RAD54L2: variants seen among roughly 807,000 people sequenced by gnomAD.
The protein encoded by RAD54L2 is helicase ARIP4.
Under a neutral mutation model 138.4 loss-of-function variants are expected in RAD54L2, and 27 were observed. That is an observed-to-expected ratio of 0.20 (90% CI 0.14 to 0.27). The LOEUF (loss-of-function observed/expected upper bound fraction) is 0.27, where lower values mean the gene tolerates loss of function less well. RAD54L2 is among the 10% of genes least tolerant of loss of function. The pLI is 1.00. For synonymous variants in RAD54L2, 644 were observed against 723.2 expected (o/e 0.89, Z 1.76); for missense variants, 1,396 against 1,890.2 (o/e 0.74, Z 4.85).
intron 2 of RAD54L2, among the ~76,000 whole-genome samples, chr3:51,579,617 G>A (rs927618114): frequency 6.6e-6 from 1 of 152,092 alleles, no homozygotes; most frequent in African/African-American, 2.4e-5. Context: ...AACTCACTAC[G>A]TATTTCCATT....
At chr3:51,540,145 A>C (rs1681064940) in intron 1 of RAD54L2, among the ~76,000 whole-genome samples, 1 of 152,238 alleles carries the variant, frequency 6.6e-6, no homozygotes, top group Non-Finnish European at 1.5e-5. Flanking sequence ...AATTCTTATA[A>C]ATCTAAATTT....
Position 51,590,569 on chromosome 3 carries a change from C to T in RAD54L2, c.139+10C>T, listed in dbSNP as rs1179620084. 3.9e-6 allele frequency: 6 copies of T among 1,552,310 alleles called. No individual in the cohort carries two copies. The Admixed American group carries it at 9.8e-5, about 25-fold the overall frequency. On this transcript the variant is annotated intron_variant, in intron 3 of 22. Transcript: ENST00000684192. ...GAAGACCTGCTGGATGGTAAGTGGG[C>T]TCTATTGAGTGACAGAAGTTGCCTT...
intron 3 of RAD54L2, among the ~76,000 whole-genome samples, chr3:51,603,466 A>G (rs953527950): frequency 6.6e-6 from 1 of 152,014 alleles, no homozygotes; most frequent in Non-Finnish European, 1.5e-5. Context: ...GATTAGCTGA[A>G]CATGGTGGTA....
intron 9 of RAD54L2, among the ~76,000 whole-genome samples, chr3:51,634,708 C>T (rs531756162): frequency 7.3e-4 from 111 of 152,250 alleles, no homozygotes; most frequent in Admixed American, 7.3e-3. Flanking sequence ...TTTCACTTTT[C>T]TTAAAAACCT....
intron 15 of RAD54L2, 33 bp from the exon 16 acceptor site, chr3:51,643,842 T>C (rs1298680165): frequency 6.7e-7 from 1 of 1,500,942 alleles, no homozygotes; most frequent in Non-Finnish European, 9.2e-7. Context: ...TGCTCTAATA[T>C]ATCCACTGCT....
intron 3 of RAD54L2, among the ~76,000 whole-genome samples, chr3:51,611,817 A>G (rs920819730): frequency 6.6e-6 from 1 of 151,916 alleles, no homozygotes; most frequent in Admixed American, 6.6e-5. Context: ...CGGGCTCCCA[A>G]AGTGCTGGGA....
chr3:51,634,855 A>G (rs1411814340), intron 9 of RAD54L2, among the ~76,000 whole-genome samples: 1 of 152,190 alleles, frequency 6.6e-6, no homozygotes, highest in East Asian at 1.9e-4. Context: ...CATAAAGTCA[A>G]CCTGATTTCC....
chr3:51,649,263 A>G (rs148901215), intron 19 of RAD54L2, among the ~76,000 whole-genome samples: 1 of 152,208 alleles, frequency 6.6e-6, no homozygotes, highest in East Asian at 1.9e-4. Flanking sequence ...AAAGAGTAAA[A>G]AGAAACGAAC....
chr3:51,618,000 T>C (rs4317086), intron 3 of RAD54L2, among the ~76,000 whole-genome samples: 134,298 of 151,940 alleles, frequency 0.88, 59,485 homozygotes, highest in East Asian at 0.94. Context: ...ACTCTGTCGC[T>C]CAGGCTGGAG....
At chr3:51,590,337 G>A in intron 2 of RAD54L2, 30 bp from the exon 3 acceptor site, 1 of 1,411,118 alleles carries the variant, frequency 7.1e-7, no homozygotes, top group Non-Finnish European at 9.4e-7. Flanking sequence ...AAAACCCTTG[G>A]TGATTCTGAT....
chr3:51,593,235 C>T (rs778783086), intron 3 of RAD54L2, among the ~76,000 whole-genome samples: 1 of 151,990 alleles, frequency 6.6e-6, no homozygotes, highest in African/African-American at 2.4e-5. Context: ...CATAGGAGAG[C>T]CCCTAGCTCA....
At chr3:51,644,904 T>C in intron 16 of RAD54L2, 120 bp from the exon 17 acceptor site, 2 of 947,144 alleles carry the variant, frequency 2.1e-6, no homozygotes, top group Non-Finnish European at 3.3e-6. Context: ...AATCCTTGAG[T>C]ATGTTGTACT....
intron 2 of RAD54L2, among the ~76,000 whole-genome samples, chr3:51,569,978 G>T (rs930119055): frequency 4.0e-5 from 6 of 151,472 alleles, no homozygotes; most frequent in Non-Finnish European, 5.9e-5. Flanking sequence ...GTCTACGGAC[G>T]TGCACCACTA....
Position 51,657,485 on chromosome 3 carries a change from A to T in RAD54L2, c.3227-95A>T. 3 of 762,462 alleles carry T rather than the reference A, an allele frequency of 3.9e-6. No individual in the cohort carries two copies. In the South Asian group the frequency reaches 4.6e-5, roughly 12 times the overall value. The allele number at this position is 762,462 out of a possible 1,614,324, so 47.2% of individuals were successfully genotyped here. On this transcript the variant is annotated intron_variant, in intron 20 of 22. Coordinates refer to ENST00000684192, the MANE Select transcript of RAD54L2 (RefSeq NM_015106.4). ...CCACTGAGAGGCTGTAGGGAAACCA[A>T]TGAAGAACTGGGGTAGATGTGGGAC...
chr3:51,544,116 G>A (rs1698628004), intron 2 of RAD54L2, among the ~76,000 whole-genome samples: 1 of 152,092 alleles, frequency 6.6e-6, no homozygotes, highest in Non-Finnish European at 1.5e-5. Flanking sequence ...CTTCAAGGCA[G>A]GAGCTTGTCT....
At chr3:51,617,860 G>A (rs1700478218) in intron 3 of RAD54L2, among the ~76,000 whole-genome samples, 1 of 152,138 alleles carries the variant, frequency 6.6e-6, no homozygotes, top group South Asian at 2.1e-4. Context: ...TTCAACTCTC[G>A]TGACAGAGCA....
rs562631461 is a variant in RAD54L2 at position 51,666,487 on chromosome 3, T to G, written c.*3067T>G. 1 of 152,252 alleles carries G rather than the reference T, an allele frequency of 6.6e-6. No homozygotes were observed. Among genetic ancestry groups the G allele is most frequent in the African/African-American group, 2.4e-5 (1 of 41,534 alleles). The allele number at this position is 152,252 out of a possible 1,614,324, so 9.4% of individuals were successfully genotyped here. Reference sequence around the variant, plus strand: ...TCCCTTACCATTGTCTTCCATGGAATGTTTTCAAGGGCCTCTCAAGCCCCA... The same window carrying G: ...TCCCTTACCATTGTCTTCCATGGAAGGTTTTCAAGGGCCTCTCAAGCCCCA... On this transcript the variant is annotated 3_prime_UTR_variant, in exon 23 of 23. Coordinates refer to ENST00000684192, the MANE Select transcript of RAD54L2 (RefSeq NM_015106.4).
chr3:51,660,862 CG>C (rs1202012143), intron 22 of RAD54L2, among the ~76,000 whole-genome samples: 1 of 148,882 alleles, frequency 6.7e-6, no homozygotes, highest in African/African-American at 2.5e-5. Flanking sequence ...CCTCGGGATC[CG>C]CCTGCCTCGG....
At chr3:51,602,050 T>C (rs1193008908) in intron 3 of RAD54L2, among the ~76,000 whole-genome samples, 1 of 152,056 alleles carries the variant, frequency 6.6e-6, no homozygotes, top group Non-Finnish European at 1.5e-5. Flanking sequence ...CAGGCTGGTC[T>C]TGAACTCCTG....
Sources: allele counts gnomAD v4.1 joint callset (sites outside exome capture counted in the v4.1 genomes callset), GRCh38; gene constraint gnomAD v4.1.1; transcripts MANE v1.5; gene names NCBI Gene and HGNC (gene_info 2026-07-23, HGNC 2026-07-21).